Variants in THSD7A observed in about 807,000 individuals in gnomAD.
The protein encoded by THSD7A is thrombospondin type-1 domain-containing protein 7A.
THSD7A carries 96 observed loss-of-function variants against 231.3 expected under a neutral mutation model. The observed-to-expected ratio is 0.41, with a 90% CI of 0.35 to 0.49. The LOEUF is 0.49. Among genes scored for constraint, THSD7A ranks in the 20% least tolerant of loss-of-function variants. The pLI, the probability that THSD7A is intolerant of heterozygous loss-of-function variation, is 0.05. For missense variants in THSD7A, 2,290 were observed against 2,070.2 expected, an observed-to-expected ratio of 1.11 and a Z score of -2.06; for synonymous variants, 940 against 743.3, an observed-to-expected ratio of 1.26 and a Z score of -4.30.
chr7:11,411,465 G>A lies in THSD7A; in HGVS notation c.3683-143C>T, dbSNP rs562969988. 1.5e-5 allele frequency: 9 copies of A among 616,582 alleles called. No individual in the cohort carries two copies. Among genetic ancestry groups the A allele is most frequent in the Non-Finnish European group, 2.3e-5 (8 of 351,606 alleles). 38.2% of individuals were successfully genotyped at this position (616,582 alleles called of 1,614,324 possible). ...AATCATCCCCCATGCAGAGCATATG[G>A]GTCCCAGCTTTGAACGTATCAGGAG... On this transcript the variant is annotated intron_variant, in intron 18 of 27. Coordinates refer to ENST00000423059, the MANE Select transcript of THSD7A (RefSeq NM_015204.3). The surrounding 1 kb of genome is among the most constrained non-coding windows in gnomAD (Gnocchi z 4.1).
chr7:11,556,390 A>G (rs1241366302), intron 4 of THSD7A, among the ~76,000 whole-genome samples: 2 of 151,750 alleles, frequency 1.3e-5, no homozygotes, highest in Admixed American at 6.6e-5. Flanking sequence ...CAACTAAAGT[A>G]TAGAAATCTT....
intron 1 of THSD7A, among the ~76,000 whole-genome samples, chr7:11,780,997 CAAAAAAAAAAAAAAAAAAAAA>C (rs58931693): frequency 3.2e-4 from 11 of 34,442 alleles, no homozygotes; most frequent in East Asian, 1.0e-3. Flanking sequence ...GACTCCGTCT[CAAAAAAAAAAAAAAAAAAAAA>C]AAAAAAAAAA....
intron 6 of THSD7A, among the ~76,000 whole-genome samples, chr7:11,489,730 C>T (rs969381819): frequency 6.6e-6 from 1 of 152,150 alleles, no homozygotes; most frequent in Middle Eastern, 3.4e-3. Context: ...TAGGTCACTC[C>T]AGTATTTAAA....
In THSD7A at chr7:11,371,021, A is replaced by G. The variant is rs1056966616; in HGVS notation, c.*4773T>C. ...AAAACACAACAAGACTGACAATTAT[A>G]TTCTAAATAATATAGAGATTTTTGA... On this transcript the variant is annotated 3_prime_UTR_variant, in exon 28 of 28. Transcript: ENST00000423059. The G allele has an allele frequency of 6.6e-6, 1 of 152,170 alleles. No homozygotes were observed. The highest frequency in any genetic ancestry group is 1.5e-5 in the Non-Finnish European group (1 of 68,024). The allele number at this position is 152,170 out of a possible 1,614,324, so 9.4% of individuals were successfully genotyped here. A position where few individuals can be genotyped will look rare whatever the true frequency, so the allele number is the denominator to read the frequency against.
At chr7:11,746,552 T>C (rs6970485) in intron 1 of THSD7A, among the ~76,000 whole-genome samples, 4,047 of 151,986 alleles carry the variant, frequency 0.027, 198 homozygotes, top group African/African-American at 0.093. Context: ...CATAGAGTTT[T>C]CCTCAATTTG....
chr7:11,699,599 G>C (rs1162080076), intron 1 of THSD7A, among the ~76,000 whole-genome samples: 1 of 151,246 alleles, frequency 6.6e-6, no homozygotes, highest in Non-Finnish European at 1.5e-5. Context: ...TTGAGCACGA[G>C]TTACCCTGAA....
chr7:11,782,631 G>T (rs541069183), intron 1 of THSD7A, among the ~76,000 whole-genome samples: 1 of 152,210 alleles, frequency 6.6e-6, no homozygotes, highest in African/African-American at 2.4e-5. Context: ...TAAATAAATT[G>T]AGGCCAGAAA....
At chr7:11,433,083 A>G (rs1390023477) in intron 13 of THSD7A, among the ~76,000 whole-genome samples, 4 of 152,068 alleles carry the variant, frequency 2.6e-5, no homozygotes, top group African/African-American at 9.7e-5. Context: ...TACTTCTCAT[A>G]TATTCAAGAT....
chr7:11,535,464 C>A (rs1056512937), intron 6 of THSD7A, among the ~76,000 whole-genome samples: 14 of 151,814 alleles, frequency 9.2e-5, no homozygotes, highest in African/African-American at 3.4e-4. Flanking sequence ...GTTATAATGA[C>A]TTTTATCTTT....
Position 11,590,598 on chromosome 7 carries a change from G to A in THSD7A, c.1315C>T (p.Pro439Ser), listed in dbSNP as rs756971567. Residue 439 changes from proline (P) to serine (S), a missense_variant, in exon 4 of 28, where the codon CCT (proline) becomes TCT (serine). Transcript: ENST00000423059. The surrounding 1 kb of genome is among the most constrained non-coding windows in gnomAD (Gnocchi z 4.4). ...CTCTTGTCCTGCTGACTGAGCAAAG[G>A]GTCCACACGGCACTCAGTCCACTCT... ...TTEWTECRVD[P>S]LLSQQDKRRG... 1.9e-6 allele frequency: 3 copies of A among 1,613,364 alleles called. No individual in the cohort carries two copies. Among genetic ancestry groups the A allele is most frequent in the Non-Finnish European group, 2.5e-6 (3 of 1,179,614 alleles).
At chr7:11,795,407 G>C (rs542970599) in intron 1 of THSD7A, among the ~76,000 whole-genome samples, 1 of 152,108 alleles carries the variant, frequency 6.6e-6, no homozygotes, top group Non-Finnish European at 1.5e-5. Context: ...AGTGTCAAAA[G>C]ATGATGGTAT....
chr7:11,786,052 A>G (rs1179223102), intron 1 of THSD7A, among the ~76,000 whole-genome samples: 1 of 151,318 alleles, frequency 6.6e-6, no homozygotes, highest in Non-Finnish European at 1.5e-5. Flanking sequence ...CTTCTCTTAT[A>G]AAATAATAAT....
At chr7:11,535,652 T>C (rs571685653) in intron 6 of THSD7A, among the ~76,000 whole-genome samples, 1 of 152,128 alleles carries the variant, frequency 6.6e-6, no homozygotes, top group East Asian at 1.9e-4. Flanking sequence ...TGTTGACTTA[T>C]TGCTTAAATT....
At chr7:11,742,619 A>T (rs183982670) in intron 1 of THSD7A, among the ~76,000 whole-genome samples, 21 of 152,066 alleles carry the variant, frequency 1.4e-4, no homozygotes. Context: ...TAAAAAATTC[A>T]CGTCCTTTCA....
At chr7:11,653,331 A>T (rs75852273) in intron 1 of THSD7A, among the ~76,000 whole-genome samples, 2 of 151,566 alleles carry the variant, frequency 1.3e-5, no homozygotes, top group African/African-American at 4.8e-5. Context: ...TTCTAGCTCA[A>T]GTTGTTTGAC....
At chr7:11,521,161 C>A (rs1788245472) in intron 6 of THSD7A, among the ~76,000 whole-genome samples, 1 of 152,122 alleles carries the variant, frequency 6.6e-6, no homozygotes, top group African/African-American at 2.4e-5. Context: ...CATATTCACA[C>A]AGACATATAT....
At chr7:11,714,327 G>A (rs1033907162) in intron 1 of THSD7A, among the ~76,000 whole-genome samples, 1 of 150,948 alleles carries the variant, frequency 6.6e-6, no homozygotes, top group Admixed American at 6.6e-5. Flanking sequence ...TAAATTTTAT[G>A]CTCTGTGTTT....
intron 1 of THSD7A, among the ~76,000 whole-genome samples, chr7:11,829,856 T>A (rs1430348887): frequency 1.3e-5 from 2 of 148,512 alleles, no homozygotes; most frequent in East Asian, 2.0e-4. Context: ...AATGAACTAT[T>A]TTTTTTTTTT....
At chr7:11,663,705 A>G (rs1783019711) in intron 1 of THSD7A, among the ~76,000 whole-genome samples, 1 of 151,570 alleles carries the variant, frequency 6.6e-6, no homozygotes, top group Non-Finnish European at 1.5e-5. Context: ...AACCAACCGG[A>G]GCTTTCTCAA....
Sources: allele counts gnomAD v4.1 joint callset (sites outside exome capture counted in the v4.1 genomes callset), GRCh38; gene constraint gnomAD v4.1.1; non-coding constraint Gnocchi (gnomAD v3.1); transcripts MANE v1.5; gene names NCBI Gene and HGNC (gene_info 2026-07-23, HGNC 2026-07-21).